STYK1: variants seen among roughly 807,000 people sequenced by gnomAD.
STYK1 encodes the protein STY kinase 1.
In STYK1, 46 loss-of-function variants were observed where a neutral mutation model predicts 48.1. The observed-to-expected ratio is 0.96, with a 90% CI of 0.75 to 1.22. The LOEUF is 1.22. STYK1 is among the 50% of genes most tolerant of loss of function. STYK1 has a pLI of 0.00. For missense variants in STYK1, 527 were observed against 521.1 expected (o/e 1.01, Z -0.11); for synonymous variants, 188 against 189.0 (o/e 0.99, Z 0.04).
At chr12:10,624,346 C>T (rs1947331942) in intron 8 of STYK1, among the ~76,000 whole-genome samples, 1 of 151,786 alleles carries the variant, frequency 6.6e-6, no homozygotes. Flanking sequence ...ATCGCTTGAG[C>T]CTGGGTGGTG....
At chr12:10,620,476 T>C in intron 10 of STYK1, 128 bp from the exon 11 acceptor site, 2 of 805,928 alleles carry the variant, frequency 2.5e-6, no homozygotes, top group Admixed American at 2.5e-5. Flanking sequence ...GCCCTGTTAC[T>C]CATATTCTTC....
At chr12:10,663,459 C>A (rs573678054) in intron 1 of STYK1, among the ~76,000 whole-genome samples, 2 of 151,910 alleles carry the variant, frequency 1.3e-5, no homozygotes, top group East Asian at 1.9e-4. Context: ...ATTAGCCAGG[C>A]GCGGTGACAG....
intron 1 of STYK1, among the ~76,000 whole-genome samples, chr12:10,649,640 CTTAG>C (rs1947637870): frequency 6.6e-6 from 1 of 151,974 alleles, no homozygotes; most frequent in Non-Finnish European, 1.5e-5. Flanking sequence ...TGAATTAAGC[CTTAG>C]TTATTTTATA....
chr12:10,645,864 A>G (rs1947592891), intron 1 of STYK1, among the ~76,000 whole-genome samples: 1 of 152,164 alleles, frequency 6.6e-6, no homozygotes, highest in African/African-American at 2.4e-5. Context: ...TTCTCATGAT[A>G]ATGAATAAGT....
intron 1 of STYK1, among the ~76,000 whole-genome samples, chr12:10,640,057 T>C (rs1483724809): frequency 6.6e-6 from 1 of 152,232 alleles, no homozygotes; most frequent in Non-Finnish European, 1.5e-5. Context: ...TCAGAATTTT[T>C]TTCCTAGTAT....
At chr12:10,651,204 A>G (rs567308490) in intron 1 of STYK1, among the ~76,000 whole-genome samples, 1 of 152,236 alleles carries the variant, frequency 6.6e-6, no homozygotes, top group African/African-American at 2.4e-5. Context: ...CTAAACTTGT[A>G]TGCATGAGCG....
chr12:10,665,298 C>T (rs949906433), intron 1 of STYK1, among the ~76,000 whole-genome samples: 4 of 152,222 alleles, frequency 2.6e-5, no homozygotes, highest in African/African-American at 9.6e-5. Flanking sequence ...TTCTTGATCT[C>T]TTTGACAAAT....
chr12:10,623,663 A>T (rs2120597126), intron 8 of STYK1, among the ~76,000 whole-genome samples: 1 of 152,354 alleles, frequency 6.6e-6, no homozygotes, highest in Non-Finnish European at 1.5e-5. Context: ...AAACTGCTGA[A>T]AAAGAAAGTC....
At position 10,622,686 on chromosome 12, in the gene STYK1, A is replaced by G; in HGVS notation, c.927-8T>C. On this transcript the variant is annotated splice_region_variant and splice_polypyrimidine_tract_variant and intron_variant, in intron 8 of 10. Transcript: ENST00000075503. ...AGGATCCCAAAAGACCAGCTGTAAA[A>G]GAAACAAAGCCATCTATTTAATTTC... 6.2e-7 allele frequency: 1 copy of G among 1,613,986 alleles called. No homozygotes were observed. Among genetic ancestry groups the G allele is most frequent in the Admixed American group, 1.7e-5 (1 of 60,016 alleles).
chr12:10,653,391 T>C (rs565984226), intron 1 of STYK1, among the ~76,000 whole-genome samples: 2 of 152,284 alleles, frequency 1.3e-5, no homozygotes, highest in South Asian at 4.1e-4. Flanking sequence ...ATGTAAAGTA[T>C]TTGAGATGTA....
intron 3 of STYK1, 65 bp downstream of exon 3, chr12:10,634,502 T>A: frequency 6.6e-7 from 1 of 1,515,990 alleles, no homozygotes; most frequent in Non-Finnish European, 9.2e-7. Context: ...TTCTAGAATC[T>A]ACCGAGACCT....
chr12:10,671,456 A>G (rs1279721445), intron 1 of STYK1, among the ~76,000 whole-genome samples: 1 of 119,040 alleles, frequency 8.4e-6, no homozygotes, highest in African/African-American at 3.7e-5. Flanking sequence ...GAGCGTCAGC[A>G]TAAGACATGA....
rs1555147629 is a variant in STYK1 at position 10,619,348 on chromosome 12, G to GCGCACA, written c.*795_*796insTGTGCG. On this transcript the variant is annotated 3_prime_UTR_variant, in exon 11 of 11. Coordinates refer to ENST00000075503, the MANE Select transcript of STYK1 (RefSeq NM_018423.3). ...GGTTTCTACATTTCCTATTTATTGTGCACACACACACACACACACACAGAA... is the reference window on the plus strand; with the variant it reads ...GGTTTCTACATTTCCTATTTATTGTGCGCACACACACACACACACACACACACAGAA... 5 of 150,212 alleles carry GCGCACA rather than the reference G, an allele frequency of 3.3e-5. No individual in the cohort carries two copies. The highest frequency in any genetic ancestry group is 4.9e-5 in the African/African-American group (2 of 40,730). The allele number at this position is 150,212 out of a possible 1,614,324, so 9.3% of individuals were successfully genotyped here.
intron 1 of STYK1, among the ~76,000 whole-genome samples, chr12:10,664,474 A>T (rs1947813746): frequency 6.6e-6 from 1 of 152,206 alleles, no homozygotes; most frequent in South Asian, 2.1e-4. Flanking sequence ...ATGCTAGTAC[A>T]TCTAGCACAG....
intron 1 of STYK1, among the ~76,000 whole-genome samples, chr12:10,639,039 G>C (rs12299672): frequency 0.043 from 6,564 of 152,150 alleles, 463 homozygotes; most frequent in African/African-American, 0.15. Flanking sequence ...AAGTGAGGAG[G>C]GTAAAATATA....
Position 10,634,021 on chromosome 12 carries a change from T to C in STYK1, c.156A>G (p.Gln52=). 1 of 1,614,116 alleles carries C rather than the reference T, an allele frequency of 6.2e-7. No individual in the cohort carries two copies. Among genetic ancestry groups the C allele is most frequent in the South Asian group, 1.1e-5 (1 of 91,076 alleles). The part of the protein sequence containing the change: ...GVILWLFIRE[Q]RTQQQRSGPQ... ...GTCCAGAACGCTGCTGTTGAGTTCT[T>C]TGTTCTCTGATAAAAAGCCACAGGA... The change falls in exon 4 of 11, where the codon CAA becomes CAG. Residue 52 remains glutamine (Q), a synonymous_variant. Coordinates refer to ENST00000075503, the MANE Select transcript of STYK1 (RefSeq NM_018423.3).
intron 5 of STYK1, among the ~76,000 whole-genome samples, chr12:10,630,317 C>A (rs1240790652): frequency 7.6e-6 from 1 of 130,890 alleles, no homozygotes; most frequent in Non-Finnish European, 1.6e-5. Flanking sequence ...ACCTGGGAGG[C>A]GGAGGTTGCA....
intron 6 of STYK1, among the ~76,000 whole-genome samples, 156 bp from the exon 7 acceptor site, chr12:10,627,880 A>G (rs1947377317): frequency 6.6e-6 from 1 of 152,252 alleles, no homozygotes; most frequent in Non-Finnish European, 1.5e-5. Context: ...AGATTTTCAG[A>G]TAGGCAGAGA....
rs572088045 is a variant in STYK1 at position 10,631,725 on chromosome 12, G to A, written c.188-417C>T. On this transcript the variant is annotated intron_variant, in intron 4 of 10. Coordinates refer to ENST00000075503, the MANE Select transcript of STYK1 (RefSeq NM_018423.3). ...AATGGCTTTCAACGTTGGAGGAAAG[G>A]TATGGATAATTAATCAGCTTTAAGC... 4.6e-5 allele frequency among the ~76,000 whole-genome samples: 7 copies of A among 152,292 alleles called. 1 individual carries two copies. In the South Asian group the frequency reaches 1.5e-3, roughly 32 times the overall value.
Sources: gnomAD v4.1 joint callset for allele counts (sites outside exome capture counted in the v4.1 genomes callset) on GRCh38, gnomAD v4.1.1 for gene constraint, MANE v1.5 for transcripts, NCBI Gene and HGNC (gene_info 2026-07-23, HGNC 2026-07-21) for gene names.